Variants in ZC3H18 observed in about 807,000 individuals in gnomAD.
The protein encoded by ZC3H18 is zinc finger CCCH domain-containing protein 18.
ZC3H18 carries 8 observed loss-of-function variants against 106.1 expected under a neutral mutation model. That is an observed-to-expected ratio of 0.08 (90% confidence interval 0.04 to 0.14). The LOEUF (loss-of-function observed/expected upper bound fraction) is 0.14. Ranked by LOEUF, ZC3H18 falls within the 10% of genes least tolerant of loss-of-function variation. ZC3H18 has a pLI of 1.00. For synonymous variants in ZC3H18, 635 were observed against 522.1 expected (o/e 1.22, Z -2.95); for missense variants, 1,318 against 1,278.4 (o/e 1.03, Z -0.47).
intron 2 of ZC3H18, among the ~76,000 whole-genome samples, chr16:88,579,412 C>T (rs917674675): frequency 6.6e-6 from 1 of 152,136 alleles, no homozygotes; most frequent in African/African-American, 2.4e-5. Context: ...TGCTCTAGTT[C>T]CTCTTAAGAG....
At chr16:88,575,262 A>G (rs1018073742) in intron 1 of ZC3H18, among the ~76,000 whole-genome samples, 16 of 152,222 alleles carry the variant, frequency 1.1e-4, no homozygotes, top group African/African-American at 3.6e-4. Context: ...TAAAAGATGA[A>G]TATTTTTATC....
chr16:88,579,701 C>G lies in ZC3H18; in HGVS notation c.603+1975C>G, dbSNP rs577743774. Among the ~76,000 whole-genome samples the G allele has an allele frequency of 4.7e-4, 72 of 152,302 alleles. 1 individual carries two copies. Among genetic ancestry groups the G allele is most frequent in the Non-Finnish European group, 7.9e-4 (54 of 68,012 alleles). ...CCTTGCCTGCCCTGCCTGGCACCGT[C>G]TTGTGAGGGGACCCACAGTTGAAAA... is the stretch of plus-strand genomic sequence containing the variant. On this transcript the variant is annotated intron_variant, in intron 2 of 17. Transcript: ENST00000301011.
At chr16:88,598,515 CCA>C (rs1904573939) in intron 4 of ZC3H18, 103 bp from the exon 5 acceptor site, 3 of 1,429,984 alleles carry the variant, frequency 2.1e-6, no homozygotes, top group South Asian at 2.5e-5. Flanking sequence ...AGGAGAGCGG[CCA>C]CACACGGCCG....
At chr16:88,628,933 T>C in intron 16 of ZC3H18, 79 bp downstream of exon 16, 3 of 1,423,658 alleles carry the variant, frequency 2.1e-6, no homozygotes, top group Non-Finnish European at 2.9e-6. Flanking sequence ...TGAGACCCCA[T>C]TGCTCTTAAC....
intron 8 of ZC3H18, among the ~76,000 whole-genome samples, 175 bp downstream of exon 8, chr16:88,611,711 G>C (rs954226235): frequency 4.6e-5 from 7 of 152,198 alleles, no homozygotes; most frequent in Admixed American, 3.9e-4. Flanking sequence ...CCAACGCAGG[G>C]CCTTTCTGTA....
At position 88,586,658 on chromosome 16, in the gene ZC3H18, G is replaced by A. The variant is rs1165259939; in HGVS notation, c.662G>A (p.Arg221His). ...CCCAGTGACAGGAAGGTGAGGCCTCGTCCCACCTGCCGGTTCTTCATGAAA... is the reference window on the plus strand; with the variant it reads ...CCCAGTGACAGGAAGGTGAGGCCTCATCCCACCTGCCGGTTCTTCATGAAA... The part of the protein sequence containing the change: ...KDPSDRKVRP[R>H]PTCRFFMKGN... The change falls in exon 3 of 18, where the codon CGT (arginine) becomes CAT (histidine). Residue 221 changes from arginine to histidine, a missense_variant. By Grantham distance (29) the Arg-to-His change is conservative (BLOSUM62 0). This residue lies in a region of ZC3H18 where 30 missense variants were observed against 63.3 expected (regional missense o/e 0.47). Coordinates refer to ENST00000301011, the MANE Select transcript of ZC3H18 (RefSeq NM_144604.4). 4 of 1,614,172 alleles carry A rather than the reference G, an allele frequency of 2.5e-6. No homozygotes were observed. The highest frequency in any genetic ancestry group is 2.2e-5 in the East Asian group (1 of 44,882).
chr16:88,609,158 C>A, intron 7 of ZC3H18, 107 bp downstream of exon 7: 3 of 841,100 alleles, frequency 3.6e-6, no homozygotes, highest in African/African-American at 1.7e-5. Context: ...GCTTATAGAG[C>A]CAGCACAATG....
Position 88,628,893 on chromosome 16 carries a change from G to A in ZC3H18, c.2566+39G>A, listed in dbSNP as rs74725858. On this transcript the variant is annotated intron_variant, in intron 16 of 17. Coordinates refer to ENST00000301011, the MANE Select transcript of ZC3H18 (RefSeq NM_144604.4). ...CCCCTAGGGGGCAGGGCAGAGGGACGGGAGCCTGGGGATGCGGAGCAGCTG... is the reference window on the plus strand; with the variant it reads ...CCCCTAGGGGGCAGGGCAGAGGGACAGGAGCCTGGGGATGCGGAGCAGCTG... 4.9e-3 allele frequency: 7,811 copies of A among 1,606,806 alleles called. 222 individuals are homozygous for A. The East Asian group carries it at 0.088, about 18-fold the overall frequency.
chr16:88,624,396 C>T, intron 11 of ZC3H18: 4 of 800,514 alleles, frequency 5.0e-6, no homozygotes, highest in Non-Finnish European at 7.8e-6. Flanking sequence ...TAGAGGGGAG[C>T]CTGGAAGGGC....
chr16:88,577,341 C>A lies in ZC3H18; in HGVS notation c.218C>A (p.Ala73Glu). ...AATCACTCCGACGAGGAGGACCGGG[C>A]AAGTGAGCCTAAATCCCAAGACCAG... ...EDNHSDEEDRASEPKSQDQDS... is the reference protein window; with the variant it reads ...EDNHSDEEDRESEPKSQDQDS... The change falls in exon 2 of 18, where the codon GCA becomes GAA. Residue 73 changes from alanine to glutamate, a missense_variant. Ala to Glu is a moderately radical substitution (Grantham distance 107). This residue lies in a region of ZC3H18 where 346 missense variants were observed against 269.0 expected (regional missense o/e 1.29). Coordinates refer to ENST00000301011, the MANE Select transcript of ZC3H18 (RefSeq NM_144604.4). 1 of 1,604,276 alleles carries A rather than the reference C, an allele frequency of 6.2e-7. No homozygotes were observed. Among genetic ancestry groups the A allele is most frequent in the South Asian group, 1.1e-5 (1 of 89,698 alleles).
At chr16:88,628,684 C>T in intron 15 of ZC3H18, 74 bp from the exon 16 acceptor site, 2 of 1,528,186 alleles carry the variant, frequency 1.3e-6, no homozygotes, top group Non-Finnish European at 1.8e-6. Context: ...GCAAGGAACC[C>T]ATGTCCTCTG....
At chr16:88,599,529 A>C (rs992888678) in intron 5 of ZC3H18, among the ~76,000 whole-genome samples, 1 of 152,170 alleles carries the variant, frequency 6.6e-6, no homozygotes, top group Non-Finnish European at 1.5e-5. Context: ...ATCTAGTTCC[A>C]AGGGTAGTTG....
chr16:88,585,118 A>C (rs1915360878), intron 2 of ZC3H18, among the ~76,000 whole-genome samples: 1 of 152,212 alleles, frequency 6.6e-6, no homozygotes, highest in African/African-American at 2.4e-5. Context: ...ACTTGGCATA[A>C]ATTAAACATG....
At chr16:88,616,920 G>A (rs1905644623) in intron 8 of ZC3H18, among the ~76,000 whole-genome samples, 2 of 152,206 alleles carry the variant, frequency 1.3e-5, no homozygotes, top group East Asian at 1.9e-4. Context: ...TCTGAAGCGC[G>A]GCCCAGGCTC....
Position 88,628,747 on chromosome 16 carries a change from T to C in ZC3H18, c.2470-11T>C. On this transcript the variant is annotated splice_polypyrimidine_tract_variant and intron_variant, in intron 15 of 17. Coordinates refer to ENST00000301011, the MANE Select transcript of ZC3H18 (RefSeq NM_144604.4). Reference sequence around the variant, plus strand: ...GCCCTGCTGTCCTCACTGGCCTCTCTCTTGTCCCAGGCGGCTGATAAAGGA... The same window carrying C: ...GCCCTGCTGTCCTCACTGGCCTCTCCCTTGTCCCAGGCGGCTGATAAAGGA... 1 of 1,613,842 alleles carries C rather than the reference T, an allele frequency of 6.2e-7. No individual in the cohort carries two copies. The highest frequency in any genetic ancestry group is 1.3e-5 in the African/African-American group (1 of 75,030).
chr16:88,586,059 G>C (rs1293276620), intron 2 of ZC3H18, among the ~76,000 whole-genome samples: 4 of 152,120 alleles, frequency 2.6e-5, no homozygotes, highest in African/African-American at 7.2e-5. Flanking sequence ...GTCCCTGTGG[G>C]TGAGGCCCAG....
chr16:88,592,556 C>T (rs1459953742), intron 3 of ZC3H18, among the ~76,000 whole-genome samples: 4 of 152,162 alleles, frequency 2.6e-5, no homozygotes, highest in Non-Finnish European at 4.4e-5. Flanking sequence ...TCACTTGCAA[C>T]CTCCACCTCC....
chr16:88,622,834 T>G, intron 9 of ZC3H18: 1 of 302,136 alleles, frequency 3.3e-6, no homozygotes, highest in South Asian at 3.6e-5. Flanking sequence ...GTAGACCCCA[T>G]CATGCTCGGC....
Position 88,611,521 on chromosome 16 carries a change from C to T in ZC3H18, c.1460C>T (p.Ser487Phe). The change falls in exon 8 of 18, where the codon TCC becomes TTC. Residue 487 changes from serine (S) to phenylalanine (F), a missense_variant. Physicochemically the swap from Ser to Phe is radical, Grantham distance 155. This residue lies in a region of ZC3H18 where 848 missense variants were observed against 821.7 expected (regional missense o/e 1.03). Coordinates refer to ENST00000301011, the MANE Select transcript of ZC3H18 (RefSeq NM_144604.4). Reference sequence around the variant, plus strand: ...GAGAAGGGGAAGCCCAAGCCCCGCTCCCCGCAGCCGCCAAGGTAGACCCTG... The same window carrying T: ...GAGAAGGGGAAGCCCAAGCCCCGCTTCCCGCAGCCGCCAAGGTAGACCCTG... ...EKEKGKPKPR[S>F]PQPPSRQAEP... is the part of the protein sequence containing the mutation. The T allele has an allele frequency of 2.6e-6, 4 of 1,550,004 alleles. No individual in the cohort carries two copies. The highest frequency in any genetic ancestry group is 3.5e-6 in the Non-Finnish European group (4 of 1,146,666).
Sources: allele counts gnomAD v4.1 joint callset (sites outside exome capture counted in the v4.1 genomes callset), GRCh38; gene constraint gnomAD v4.1.1; regional missense constraint gnomAD v4.1.1; transcripts MANE v1.5; gene names NCBI Gene and HGNC (gene_info 2026-07-23, HGNC 2026-07-21).